EPHA4: variants seen among roughly 807,000 people sequenced by gnomAD.
The protein encoded by EPHA4 is EPH receptor A4.
In EPHA4, 19 loss-of-function variants were observed where a neutral mutation model predicts 108.3. That is an observed-to-expected ratio of 0.18 (90% CI 0.12 to 0.26). The LOEUF (loss-of-function observed/expected upper bound fraction) is 0.26, where lower values mean the gene tolerates loss of function less well. EPHA4 is among the 10% of genes least tolerant of loss of function. The pLI, the probability that EPHA4 is intolerant of heterozygous loss-of-function variation, is 1.00. For missense variants in EPHA4, 917 were observed against 1,254.0 expected (o/e 0.73, Z 4.06); for synonymous variants, 449 against 455.5 (o/e 0.99, Z 0.18).
At chr2:221,456,131 C>G (rs917403907) in intron 7 of EPHA4, among the ~76,000 whole-genome samples, 2 of 150,624 alleles carry the variant, frequency 1.3e-5, no homozygotes, top group Non-Finnish European at 2.9e-5. Context: ...CAATCCAACT[C>G]GCAATGCTTA....
chr2:221,543,430 C>T (rs916316490), intron 3 of EPHA4, among the ~76,000 whole-genome samples: 4 of 152,132 alleles, frequency 2.6e-5, no homozygotes, highest in African/African-American at 4.8e-5. Context: ...AAGTGTGGCT[C>T]TCATTATGTG....
chr2:221,447,541 G>A (rs764654062), intron 8 of EPHA4, among the ~76,000 whole-genome samples: 2 of 152,110 alleles, frequency 1.3e-5, no homozygotes, highest in Admixed American at 6.6e-5. Context: ...TGTCAGCAGC[G>A]CAAGAACCAG....
intron 3 of EPHA4, among the ~76,000 whole-genome samples, chr2:221,559,593 A>G (rs1694398525): frequency 1.3e-5 from 2 of 152,144 alleles, no homozygotes; most frequent in African/African-American, 4.8e-5. Context: ...ATTTAATGGA[A>G]TATTTTCCTC....
intron 13 of EPHA4, among the ~76,000 whole-genome samples, chr2:221,436,149 A>AG (rs1690226423): frequency 6.6e-6 from 1 of 152,150 alleles, no homozygotes; most frequent in Admixed American, 6.6e-5. Context: ...CCAAAAAAAA[A>AG]CATAGAGGGA....
chr2:221,434,043 A>G, intron 14 of EPHA4, 99 bp downstream of exon 14: 6 of 1,257,324 alleles, frequency 4.8e-6, no homozygotes, highest in South Asian at 1.5e-5. Flanking sequence ...TTTGAGTTTA[A>G]TGTATCATTT....
chr2:221,460,632 G>A (rs1257448784), intron 5 of EPHA4, among the ~76,000 whole-genome samples: 1 of 152,158 alleles, frequency 6.6e-6, no homozygotes, highest in Non-Finnish European at 1.5e-5. Flanking sequence ...TGCCACTTTG[G>A]AAAGGAGGCA....
intron 14 of EPHA4, among the ~76,000 whole-genome samples, chr2:221,432,127 GT>G (rs5838885): frequency 0.18 from 27,095 of 146,792 alleles, 3,587 homozygotes; most frequent in African/African-American, 0.39. Context: ...TATATATATT[GT>G]TTTTTTATAT....
chr2:221,470,929 A>C (rs1253397834), intron 5 of EPHA4, among the ~76,000 whole-genome samples: 2 of 152,172 alleles, frequency 1.3e-5, no homozygotes, highest in East Asian at 3.9e-4. Flanking sequence ...ATCATTTAGG[A>C]GAAGAGGTTT....
chr2:221,501,467 C>T, intron 3 of EPHA4: 1 of 295,704 alleles, frequency 3.4e-6, no homozygotes, highest in Non-Finnish European at 6.3e-6. Context: ...TTCTATGTGC[C>T]AGATACCCTT....
intron 8 of EPHA4, among the ~76,000 whole-genome samples, chr2:221,450,754 T>G (rs1424137981): frequency 2.0e-5 from 3 of 152,122 alleles, no homozygotes; most frequent in Non-Finnish European, 4.4e-5. Flanking sequence ...CTAACATAAA[T>G]GGAAACCCAC....
intron 3 of EPHA4, among the ~76,000 whole-genome samples, chr2:221,561,114 C>T (rs1047375472): frequency 1.4e-4 from 22 of 151,994 alleles, no homozygotes; most frequent in Admixed American, 1.2e-3. Flanking sequence ...TGGTGGCGGG[C>T]GCCTGTAGTC....
intron 3 of EPHA4, among the ~76,000 whole-genome samples, chr2:221,562,151 C>A (rs1694486971): frequency 6.6e-6 from 1 of 151,172 alleles, no homozygotes; most frequent in South Asian, 2.1e-4. Flanking sequence ...AGGCCTTAAT[C>A]TTTATTTTAA....
chr2:221,547,155 T>G (rs1694021677), intron 3 of EPHA4, among the ~76,000 whole-genome samples: 1 of 152,242 alleles, frequency 6.6e-6, no homozygotes, highest in Non-Finnish European at 1.5e-5. Context: ...TTCTTATTAC[T>G]TAAATGGATT....
chr2:221,471,696 T>C (rs1691491878), intron 5 of EPHA4, among the ~76,000 whole-genome samples: 1 of 152,144 alleles, frequency 6.6e-6, no homozygotes, highest in African/African-American at 2.4e-5. Flanking sequence ...TTCTTAAATA[T>C]ATTACCAGCC....
intron 3 of EPHA4, among the ~76,000 whole-genome samples, chr2:221,530,150 G>A (rs1693462240): frequency 1.3e-5 from 2 of 151,190 alleles, no homozygotes; most frequent in Admixed American, 1.3e-4. Flanking sequence ...ATTAGAACAA[G>A]GTTCTCTCTC....
chr2:221,563,764 C>A lies in EPHA4; in HGVS notation c.790G>T (p.Ala264Ser), dbSNP rs368252272. ...LVPIGNCLCN[A>S]GHEERSGECQ... ...TCTCCGCTCCGCTCCTCATGCCCAG[C>A]GTTGCATAGGCAGTTGCCAATGGGT... Residue 264 changes from alanine (A) to serine (S), a missense_variant, in exon 3 of 18, where the codon GCT (alanine) becomes TCT (serine). Ala to Ser is a moderately conservative substitution (Grantham distance 99). Transcript: ENST00000281821. The A allele has an allele frequency of 1.1e-5, 17 of 1,614,094 alleles. No homozygotes were observed. The Admixed American group carries it at 2.2e-4, about 21-fold the overall frequency.
intron 5 of EPHA4, among the ~76,000 whole-genome samples, chr2:221,462,675 A>C (rs1422593131): frequency 6.6e-6 from 1 of 152,196 alleles, no homozygotes; most frequent in African/African-American, 2.4e-5. Flanking sequence ...GTTAACTGAG[A>C]TATTGACAAT....
At chr2:221,435,634 G>A (rs1690207681) in intron 13 of EPHA4, among the ~76,000 whole-genome samples, 2 of 152,254 alleles carry the variant, frequency 1.3e-5, no homozygotes, top group South Asian at 4.1e-4. Flanking sequence ...GCCAATAACT[G>A]TTTTATGATT....
At position 221,456,079 on chromosome 2, in the gene EPHA4, T is replaced by C. The variant is rs376083014; in HGVS notation, c.1604-421A>G. Among the ~76,000 whole-genome samples, 12 of 152,202 alleles carry C rather than the reference T, an allele frequency of 7.9e-5. No homozygotes were observed. The South Asian group carries it at 1.0e-3, about 13-fold the overall frequency. On this transcript the variant is annotated intron_variant, in intron 7 of 17. Transcript: ENST00000281821. ...GGTATCTGACACTAATGCTTGTTCA[T>C]GGGTAGACCCCTCTTAAGCACTTTA... is the stretch of plus-strand genomic sequence containing the variant.
Sources: gnomAD v4.1 joint callset for allele counts (sites outside exome capture counted in the v4.1 genomes callset) on GRCh38, gnomAD v4.1.1 for gene constraint, MANE v1.5 for transcripts, NCBI Gene and HGNC (gene_info 2026-07-23, HGNC 2026-07-21) for gene names.